Variants in ROBO1 observed in about 807,000 individuals in gnomAD.
ROBO1 encodes the protein roundabout homolog 1.
ROBO1 carries 149 observed loss-of-function variants against 195.9 expected under a neutral mutation model. The observed-to-expected ratio is 0.76, with a 90% CI of 0.67 to 0.87. ROBO1 has a LOEUF of 0.87. Among genes scored for constraint, ROBO1 ranks in the 40% least tolerant of loss-of-function variants. The pLI is 0.00. For synonymous variants in ROBO1, 816 were observed against 733.2 expected, an observed-to-expected ratio of 1.11 and a Z score of -1.82; for missense variants, 1,933 against 2,068.3, an observed-to-expected ratio of 0.93 and a Z score of 1.27.
intron 1 of ROBO1, among the ~76,000 whole-genome samples, chr3:79,615,839 TA>T (rs1441933748): frequency 6.6e-6 from 1 of 152,180 alleles, no homozygotes; most frequent in East Asian, 1.9e-4. Flanking sequence ...GCTTACATTT[TA>T]CCGTATAAAA....
At chr3:79,334,117 C>T (rs1274050729) in intron 2 of ROBO1, among the ~76,000 whole-genome samples, 1 of 151,606 alleles carries the variant, frequency 6.6e-6, no homozygotes. Flanking sequence ...ACCAGCCTGG[C>T]TAACAGGGTG....
At chr3:78,705,021 G>C (rs940972714) in intron 8 of ROBO1, among the ~76,000 whole-genome samples, 6 of 152,142 alleles carry the variant, frequency 3.9e-5, no homozygotes, top group African/African-American at 1.2e-4. Context: ...TCTGAGTACA[G>C]TATATCTAAA....
At chr3:78,825,798 T>C (rs2031540889) in intron 4 of ROBO1, among the ~76,000 whole-genome samples, 1 of 152,204 alleles carries the variant, frequency 6.6e-6, no homozygotes, top group South Asian at 2.1e-4. Context: ...AATCATGTCA[T>C]ATAAAATGTG....
chr3:78,649,184 G>A (rs1308585340), intron 19 of ROBO1, among the ~76,000 whole-genome samples: 1 of 151,528 alleles, frequency 6.6e-6, no homozygotes, highest in Non-Finnish European at 1.5e-5. Flanking sequence ...CAAGAATGGA[G>A]TGCCTGAACA....
rs570976969 is a variant in ROBO1 at position 78,890,496 on chromosome 3, G to T, written c.499+48105C>A. Reference sequence around the variant, plus strand: ...GACTTCAGAACCTTGAGAAGTAAACGTTGGTTGTTTAAGCTGCCCAGTCTA... The same window carrying T: ...GACTTCAGAACCTTGAGAAGTAAACTTTGGTTGTTTAAGCTGCCCAGTCTA... On this transcript the variant is annotated intron_variant, in intron 4 of 30. Coordinates refer to ENST00000464233, the MANE Select transcript of ROBO1 (RefSeq NM_002941.4). 4.6e-5 allele frequency among the ~76,000 whole-genome samples: 7 copies of T among 152,148 alleles called. No homozygotes were observed. The South Asian group carries it at 1.5e-3, about 32-fold the overall frequency.
chr3:78,617,798 G>C lies in ROBO1; in HGVS notation c.4119C>G (p.Gly1373=), dbSNP rs1014234737. The change falls in exon 27 of 31, where the codon GGC becomes GGG. Residue 1373 remains glycine, a synonymous_variant. Coordinates refer to ENST00000464233, the MANE Select transcript of ROBO1 (RefSeq NM_002941.4). ...ESSVTGSMIN[G]WGSASEEDNI... The stretch of plus-strand genomic sequence containing the variant: ...TGTCCTCCTCTGAGGCTGAGCCCCA[G>C]CCGTTGATCATGGACCCCGTGACAG... 3.7e-6 allele frequency: 6 copies of C among 1,613,792 alleles called. No homozygotes were observed. In the Admixed American group the frequency reaches 1.0e-4, roughly 27 times the overall value.
chr3:78,631,894 G>A (rs550301441), intron 24 of ROBO1, among the ~76,000 whole-genome samples: 1 of 152,262 alleles, frequency 6.6e-6, no homozygotes, highest in South Asian at 2.1e-4. Flanking sequence ...TTCAGCCACT[G>A]TTTCTGTACA....
At position 79,285,906 on chromosome 3, in the gene ROBO1, A is replaced by G. The variant is rs114198521; in HGVS notation, c.89-160367T>C. 2.1e-3 allele frequency among the ~76,000 whole-genome samples: 315 copies of G among 152,334 alleles called. 2 individuals carry two copies. The highest frequency in any genetic ancestry group is 7.1e-3 in the African/African-American group (295 of 41,590). On this transcript the variant is annotated intron_variant, in intron 2 of 30. Transcript: ENST00000464233. ...CTGCATGAAATAAGAAGCAATGAAA[A>G]AAAGACAAGGTGAAGGAAAAATGAG...
At chr3:78,948,671 C>T (rs1005655033) in intron 3 of ROBO1, among the ~76,000 whole-genome samples, 38 of 152,266 alleles carry the variant, frequency 2.5e-4, no homozygotes, top group Admixed American at 5.9e-4. Flanking sequence ...CCAGGGCAAT[C>T]AGGCAGGAGA....
intron 2 of ROBO1, among the ~76,000 whole-genome samples, chr3:79,425,343 A>T (rs374063039): frequency 2.0e-5 from 3 of 152,140 alleles, no homozygotes; most frequent in African/African-American, 7.2e-5. Context: ...AACTATTTTA[A>T]AAATAACCGT....
chr3:78,618,660 T>C (rs981649007), intron 26 of ROBO1, among the ~76,000 whole-genome samples: 2 of 152,228 alleles, frequency 1.3e-5, no homozygotes, highest in Admixed American at 1.3e-4. Flanking sequence ...TTATTCGCTA[T>C]GAGTTTCATT....
intron 18 of ROBO1, among the ~76,000 whole-genome samples, chr3:78,653,441 C>T (rs945871085): frequency 6.6e-6 from 1 of 152,120 alleles, no homozygotes; most frequent in Non-Finnish European, 1.5e-5. Flanking sequence ...TAAGAACCCA[C>T]CAGTAGGAAC....
chr3:79,469,246 A>C (rs1264067821), intron 2 of ROBO1, among the ~76,000 whole-genome samples: 1 of 152,164 alleles, frequency 6.6e-6, no homozygotes, highest in African/African-American at 2.4e-5. Flanking sequence ...AAATTATAGA[A>C]TCAGAAAATT....
At chr3:79,274,449 C>A (rs965134159) in intron 2 of ROBO1, among the ~76,000 whole-genome samples, 1 of 151,880 alleles carries the variant, frequency 6.6e-6, no homozygotes, top group East Asian at 1.9e-4. Flanking sequence ...TTTCTTGAAA[C>A]AAATGATAAT....
chr3:79,655,223 A>G (rs1035390920), intron 1 of ROBO1, among the ~76,000 whole-genome samples: 1 of 152,080 alleles, frequency 6.6e-6, no homozygotes, highest in Non-Finnish European at 1.5e-5. Context: ...AAATGACATG[A>G]GTTTGTATAA....
intron 4 of ROBO1, among the ~76,000 whole-genome samples, chr3:78,775,532 A>C (rs1230085701): frequency 6.6e-6 from 1 of 152,216 alleles, no homozygotes; most frequent in African/African-American, 2.4e-5. Context: ...CTCAACATCC[A>C]GTAATTTAGT....
chr3:78,914,808 T>C (rs2038459836), intron 4 of ROBO1, among the ~76,000 whole-genome samples: 1 of 148,772 alleles, frequency 6.7e-6, no homozygotes, highest in African/African-American at 2.4e-5. Context: ...CATTTAAACT[T>C]AACTAAAACC....
At chr3:78,929,479 CATTTATTTATTT>C (rs35081123) in intron 4 of ROBO1, among the ~76,000 whole-genome samples, 6,233 of 144,320 alleles carry the variant, frequency 0.043, 244 homozygotes, top group African/African-American at 0.11. Flanking sequence ...TTTCCAGTAT[CATTTATTTATTT>C]ATTTATTTAT....
At chr3:79,449,032 C>A (rs1410007313) in intron 2 of ROBO1, among the ~76,000 whole-genome samples, 2 of 152,006 alleles carry the variant, frequency 1.3e-5, no homozygotes, top group Non-Finnish European at 2.9e-5. Flanking sequence ...AAGTTTGAGA[C>A]CAGCTGGGCA....
Sources: allele counts gnomAD v4.1 joint callset (sites outside exome capture counted in the v4.1 genomes callset), GRCh38; gene constraint gnomAD v4.1.1; transcripts MANE v1.5; gene names NCBI Gene and HGNC (gene_info 2026-07-23, HGNC 2026-07-21).